Variants in KCNIP3 observed in about 807,000 individuals in gnomAD.
The protein encoded by KCNIP3 is calsenilin.
In KCNIP3, 28 loss-of-function variants were observed where a neutral mutation model predicts 35.0. That is an observed-to-expected ratio of 0.80 (90% CI 0.59 to 1.10). KCNIP3 has a LOEUF of 1.10. KCNIP3 is among the 50% of genes least tolerant of loss of function. KCNIP3 has a pLI of 0.00. For synonymous variants in KCNIP3, 134 were observed against 133.8 expected, an observed-to-expected ratio of 1.00 and a Z score of -0.01; for missense variants, 295 against 338.4, an observed-to-expected ratio of 0.87 and a Z score of 1.01.
rs146327045 is a variant in KCNIP3, at chr2:95,305,477, A to C, written c.16-4878A>C. On this transcript the variant is annotated intron_variant, in intron 1 of 8. Transcript: ENST00000295225. Reference sequence around the variant, plus strand: ...TGGAGTGTCTGCAATGATGCAACCCACCAGTCCTAGTCCGATTTCCCAGTT... The same window carrying C: ...TGGAGTGTCTGCAATGATGCAACCCCCCAGTCCTAGTCCGATTTCCCAGTT... Among the ~76,000 whole-genome samples, 20 of 152,250 alleles carry C rather than the reference A, an allele frequency of 1.3e-4. No homozygotes were observed. The East Asian group carries it at 3.7e-3, about 28-fold the overall frequency.
intron 2 of KCNIP3, among the ~76,000 whole-genome samples, chr2:95,341,758 G>C (rs62153510): frequency 7.9e-5 from 12 of 152,170 alleles, no homozygotes; most frequent in Non-Finnish European, 1.5e-4. Flanking sequence ...AGTGACACCA[G>C]GGCATCCTGT....
intron 2 of KCNIP3, among the ~76,000 whole-genome samples, chr2:95,336,406 T>C (rs1573498252): frequency 6.6e-6 from 1 of 152,370 alleles, no homozygotes; most frequent in East Asian, 1.9e-4. Context: ...AAATTCTCTG[T>C]TAAATTTTAA....
intron 1 of KCNIP3, among the ~76,000 whole-genome samples, chr2:95,306,514 TG>T (rs1678169644): frequency 6.6e-6 from 1 of 152,076 alleles, no homozygotes; most frequent in African/African-American, 2.4e-5. Flanking sequence ...GAAGAAGTGC[TG>T]AGATGGAGGT....
At position 95,378,986 on chromosome 2, in the gene KCNIP3, A is replaced by G. The variant is rs1381078766; in HGVS notation, c.448-2610A>G. Among the ~76,000 whole-genome samples, 1 of 152,096 alleles carries G rather than the reference A, an allele frequency of 6.6e-6. No individual in the cohort carries two copies. The highest frequency in any genetic ancestry group is 1.5e-5 in the Non-Finnish European group (1 of 68,022). On this transcript the variant is annotated intron_variant, in intron 5 of 8. Coordinates refer to ENST00000295225, the MANE Select transcript of KCNIP3 (RefSeq NM_013434.5). This position sits in a 1 kb window ranked among gnomAD's most constrained non-coding sequence, Gnocchi z 4.0. ...GCAGGGTGCACGTTGGAAAACCAGC[A>G]GGTGACCACCACCTTGTCTGCTGTA...
chr2:95,313,887 C>T (rs900715380), intron 2 of KCNIP3: 5 of 152,160 alleles, frequency 3.3e-5, no homozygotes, highest in Non-Finnish European at 5.9e-5. Flanking sequence ...CTGCTGCACG[C>T]TTCTGTGTGA....
intron 2 of KCNIP3, among the ~76,000 whole-genome samples, chr2:95,361,361 G>A (rs767982226): frequency 1.8e-4 from 27 of 152,112 alleles, no homozygotes; most frequent in Admixed American, 3.9e-4. Context: ...GACACCTCCC[G>A]CCAGTTCCCT....
intron 2 of KCNIP3, among the ~76,000 whole-genome samples, chr2:95,325,756 CACACATACACACTCATAT>C (rs1200598599): frequency 4.6e-5 from 7 of 151,610 alleles, no homozygotes; most frequent in Admixed American, 4.6e-4. Flanking sequence ...CGCACTCATA[CACACATACACACTCATAT>C]ACACACACTC....
At position 95,339,229 on chromosome 2, in the gene KCNIP3, C is replaced by A. The variant is rs6743870; in HGVS notation, c.181+28709C>A. ...TTGGCCCCAATTTCAGGTGTCCCCCCTCCTCCTTCAGCCACAAGGGGAGCC... is the reference window on the plus strand; with the variant it reads ...TTGGCCCCAATTTCAGGTGTCCCCCATCCTCCTTCAGCCACAAGGGGAGCC... On this transcript the variant is annotated intron_variant, in intron 2 of 8. Coordinates refer to ENST00000295225, the MANE Select transcript of KCNIP3 (RefSeq NM_013434.5). Among the ~76,000 whole-genome samples, 953 of 152,310 alleles carry A rather than the reference C, an allele frequency of 6.3e-3. 8 individuals carry two copies. The highest frequency in any genetic ancestry group is 0.017 in the Middle Eastern group (5 of 294).
intron 2 of KCNIP3, among the ~76,000 whole-genome samples, chr2:95,341,896 G>A (rs1227267318): frequency 2.0e-5 from 3 of 152,208 alleles, no homozygotes; most frequent in Non-Finnish European, 4.4e-5. Context: ...AAGTAAACAC[G>A]TAAGCAAATA....
At chr2:95,381,966 A>G (rs915791349) in intron 6 of KCNIP3, among the ~76,000 whole-genome samples, 8 of 152,168 alleles carry the variant, frequency 5.3e-5, no homozygotes, top group Non-Finnish European at 1.0e-4. Flanking sequence ...ACTGTCTTAC[A>G]CAAAAGGCCT....
intron 2 of KCNIP3, among the ~76,000 whole-genome samples, chr2:95,339,029 A>C (rs1679128829): frequency 6.6e-6 from 1 of 152,200 alleles, no homozygotes; most frequent in South Asian, 2.1e-4. Flanking sequence ...GCCTTTGTAA[A>C]GCCCTGCCTT....
At chr2:95,310,583 C>A (rs1267195551) in intron 2 of KCNIP3, 63 bp downstream of exon 2, 1 of 1,591,482 alleles carries the variant, frequency 6.3e-7, no homozygotes, top group Admixed American at 1.7e-5. Flanking sequence ...GAGCACTGTC[C>A]TTTCTGAGGG....
intron 1 of KCNIP3, among the ~76,000 whole-genome samples, chr2:95,305,803 G>A (rs961658672): frequency 2.2e-4 from 34 of 152,184 alleles, no homozygotes; most frequent in Admixed American, 7.9e-4. Context: ...GGAGGTTCAC[G>A]CAGGTGTGGT....
chr2:95,325,934 TACACATACACACTCAC>T (rs1305043467), intron 2 of KCNIP3, among the ~76,000 whole-genome samples: 5 of 143,772 alleles, frequency 3.5e-5, no homozygotes, highest in Admixed American at 6.9e-5. Context: ...CTCATACACA[TACACATACACACTCAC>T]ACATACACAC....
chr2:95,313,340 G>A (rs1418705190), intron 2 of KCNIP3: 4 of 152,366 alleles, frequency 2.6e-5, no homozygotes, highest in African/African-American at 7.2e-5. Context: ...CTGTGGCTGG[G>A]CCCTGGGTGG....
chr2:95,335,674 G>GA (rs1679044026), intron 2 of KCNIP3, among the ~76,000 whole-genome samples: 1 of 151,988 alleles, frequency 6.6e-6, no homozygotes, highest in African/African-American at 2.4e-5. Context: ...ATCAGTTTTG[G>GA]AAAATTTCTT....
Position 95,310,535 on chromosome 2 carries a change from G to A in KCNIP3, c.181+15G>A, listed in dbSNP as rs1172369276. On this transcript the variant is annotated intron_variant, in intron 2 of 8. Coordinates refer to ENST00000295225, the MANE Select transcript of KCNIP3 (RefSeq NM_013434.5). ...ACAGGGCTCAGGTAGGGGCCAGGGT[G>A]GGCTGTGGTCAAGGGTGGGGGTGGG... The A allele has an allele frequency of 1.2e-6, 2 of 1,612,926 alleles. No individual in the cohort carries two copies. The highest frequency in any genetic ancestry group is 8.5e-7 in the Non-Finnish European group (1 of 1,179,372).
At chr2:95,327,027 C>T (rs1386523684) in intron 2 of KCNIP3, among the ~76,000 whole-genome samples, 3 of 152,242 alleles carry the variant, frequency 2.0e-5, no homozygotes, top group African/African-American at 7.2e-5. Flanking sequence ...GCCGGCTGCC[C>T]AGTCAGATTG....
chr2:95,336,976 C>A (rs1679076949), intron 2 of KCNIP3, among the ~76,000 whole-genome samples: 2 of 152,164 alleles, frequency 1.3e-5, no homozygotes, highest in Admixed American at 6.5e-5. Context: ...ACTCCAGAGT[C>A]TCTCCCTGCT....
Sources: allele counts gnomAD v4.1 joint callset (sites outside exome capture counted in the v4.1 genomes callset), GRCh38; gene constraint gnomAD v4.1.1; non-coding constraint Gnocchi (gnomAD v3.1); transcripts MANE v1.5; gene names NCBI Gene and HGNC (gene_info 2026-07-23, HGNC 2026-07-21).